The following CTNNA2 variants were observed in gnomAD, a reference collection of about 807,000 sequenced individuals.
CTNNA2 encodes the protein catenin alpha 2.
A neutral mutation model predicts 101.0 loss-of-function variants in CTNNA2; 42 were observed. That is an observed-to-expected ratio of 0.42 (90% CI 0.32 to 0.54). CTNNA2 has a LOEUF of 0.54. Among genes scored for constraint, CTNNA2 ranks in the 20% least tolerant of loss-of-function variants. CTNNA2 has a pLI of 0.14. For missense variants in CTNNA2, 871 were observed against 1,223.1 expected, an observed-to-expected ratio of 0.71 and a Z score of 4.29; for synonymous variants, 450 against 456.4, an observed-to-expected ratio of 0.99 and a Z score of 0.18.
intron 2 of CTNNA2, among the ~76,000 whole-genome samples, chr2:79,215,339 A>C (rs184293346): frequency 0.022 from 3,325 of 152,030 alleles, 131 homozygotes; most frequent in African/African-American, 0.076. Context: ...AGGCGTTTGG[A>C]AGTTCTTGTG....
chr2:80,625,471 G>T (rs1035570210), intron 18 of CTNNA2, among the ~76,000 whole-genome samples: 1 of 151,928 alleles, frequency 6.6e-6, no homozygotes, highest in Non-Finnish European at 1.5e-5. Context: ...TCAGTGTTTG[G>T]TACACACTAG....
intron 1 of CTNNA2, among the ~76,000 whole-genome samples, chr2:79,529,132 T>C (rs918927920): frequency 6.6e-6 from 1 of 151,964 alleles, no homozygotes; most frequent in Non-Finnish European, 1.5e-5. Context: ...AGCATGAAGG[T>C]AGGAATGTCA....
intron 4 of CTNNA2, among the ~76,000 whole-genome samples, chr2:79,489,357 A>G (rs1224256019): frequency 6.6e-6 from 1 of 152,142 alleles, no homozygotes; most frequent in African/African-American, 2.4e-5. Flanking sequence ...ATTATAGTCA[A>G]AAGACTTGGG....
chr2:79,719,074 A>G (rs1201465793), intron 2 of CTNNA2, among the ~76,000 whole-genome samples: 1 of 151,908 alleles, frequency 6.6e-6, no homozygotes, highest in Non-Finnish European at 1.5e-5. Context: ...TACAGCATCT[A>G]TTGCTGCCAT....
At chr2:80,367,948 CCA>C (rs1675088704) in intron 7 of CTNNA2, among the ~76,000 whole-genome samples, 3 of 152,010 alleles carry the variant, frequency 2.0e-5, no homozygotes, top group Non-Finnish European at 4.4e-5. Flanking sequence ...CAGTTGAGTT[CCA>C]AGATGTTTAT....
At chr2:79,911,318 C>T (rs1685780179) in intron 7 of CTNNA2, among the ~76,000 whole-genome samples, 2 of 152,270 alleles carry the variant, frequency 1.3e-5, no homozygotes, top group East Asian at 3.9e-4. Context: ...TTAAGGCACG[C>T]TAGTGGTTCT....
intron 7 of CTNNA2, among the ~76,000 whole-genome samples, chr2:80,169,526 A>G (rs923601222): frequency 2.6e-5 from 4 of 152,222 alleles, no homozygotes; most frequent in Non-Finnish European, 5.9e-5. Flanking sequence ...TTCAGTCCCC[A>G]TATTGACTCT....
At chr2:79,781,935 T>C (rs1674474841) in intron 3 of CTNNA2, among the ~76,000 whole-genome samples, 1 of 130,962 alleles carries the variant, frequency 7.6e-6, no homozygotes, top group Non-Finnish European at 1.6e-5. Flanking sequence ...CTCTTCTTTA[T>C]TGTTTACTCA....
intron 3 of CTNNA2, among the ~76,000 whole-genome samples, chr2:79,756,202 A>G (rs1325651327): frequency 6.6e-6 from 1 of 152,158 alleles, no homozygotes; most frequent in Non-Finnish European, 1.5e-5. Context: ...CTTTCAGCAA[A>G]AATAACAGCA....
intron 8 of CTNNA2, among the ~76,000 whole-genome samples, chr2:80,405,341 A>G (rs1678961713): frequency 6.6e-6 from 1 of 152,216 alleles, no homozygotes; most frequent in Non-Finnish European, 1.5e-5. Flanking sequence ...TATAAAACTC[A>G]TAAGTTAGAA....
At chr2:80,270,337 T>A (rs966098955) in intron 7 of CTNNA2, among the ~76,000 whole-genome samples, 1 of 152,152 alleles carries the variant, frequency 6.6e-6, no homozygotes, top group East Asian at 1.9e-4. Flanking sequence ...AAACAGCCTA[T>A]GAAGATGGAA....
chr2:80,120,136 A>G (rs1052667326), intron 7 of CTNNA2, among the ~76,000 whole-genome samples: 3 of 152,128 alleles, frequency 2.0e-5, no homozygotes, highest in African/African-American at 4.8e-5. Flanking sequence ...TTTAACAATC[A>G]TTTTAATTTG....
chr2:80,017,373 T>A (rs867404252), intron 7 of CTNNA2, among the ~76,000 whole-genome samples: 14 of 152,110 alleles, frequency 9.2e-5, no homozygotes, highest in African/African-American at 3.4e-4. Context: ...CCTGTATATA[T>A]ATATCCTTGT....
chr2:80,031,577 T>C (rs1695290739), intron 7 of CTNNA2, among the ~76,000 whole-genome samples: 1 of 152,208 alleles, frequency 6.6e-6, no homozygotes, highest in African/African-American at 2.4e-5. Flanking sequence ...AGTGGCTCCC[T>C]CTCACAACAT....
intron 7 of CTNNA2, among the ~76,000 whole-genome samples, chr2:80,264,195 A>T (rs538998758): frequency 3.3e-5 from 5 of 152,238 alleles, no homozygotes; most frequent in African/African-American, 1.2e-4. Context: ...TGACAGATGC[A>T]TGTTGCCACA....
chr2:79,478,773 A>G (rs1671078936), intron 4 of CTNNA2, among the ~76,000 whole-genome samples: 1 of 152,182 alleles, frequency 6.6e-6, no homozygotes, highest in African/African-American at 2.4e-5. Flanking sequence ...ATCTGCAGTT[A>G]TATTCAACAT....
intron 4 of CTNNA2, among the ~76,000 whole-genome samples, chr2:79,467,105 T>C (rs1670945989): frequency 6.6e-6 from 1 of 152,078 alleles, no homozygotes; most frequent in Admixed American, 6.6e-5. Context: ...TTCAAACCCA[T>C]CGTAAAGAAG....
chr2:80,214,047 T>G (rs1472411994), intron 7 of CTNNA2, among the ~76,000 whole-genome samples: 2 of 152,160 alleles, frequency 1.3e-5, no homozygotes, highest in Admixed American at 6.6e-5. Flanking sequence ...CCCTGCTTGT[T>G]TTTGTTTTCC....
chr2:80,348,556 C>A (rs1672991894), intron 7 of CTNNA2, among the ~76,000 whole-genome samples: 1 of 152,136 alleles, frequency 6.6e-6, no homozygotes, highest in Non-Finnish European at 1.5e-5. Context: ...AAAGCCCGTA[C>A]TTTTCTGATC....
Sources: allele counts gnomAD v4.1 joint callset (sites outside exome capture counted in the v4.1 genomes callset), GRCh38; gene constraint gnomAD v4.1.1; transcripts MANE v1.5; gene names NCBI Gene and HGNC (gene_info 2026-07-23, HGNC 2026-07-21).